The following PNPLA7 variants were observed in gnomAD, a reference collection of about 807,000 sequenced individuals.
PNPLA7 encodes the protein patatin like domain 7, lysophospholipase.
PNPLA7 carries 153 observed loss-of-function variants against 161.7 expected under a neutral mutation model. That is an observed-to-expected ratio of 0.95 (90% confidence interval 0.83 to 1.08). The LOEUF (loss-of-function observed/expected upper bound fraction) is 1.08. Ranked by LOEUF, PNPLA7 falls within the 50% of genes least tolerant of loss-of-function variation. The pLI is 0.00. For synonymous variants in PNPLA7, 809 were observed against 782.1 expected (o/e 1.03, Z -0.57); for missense variants, 1,739 against 1,856.6 (o/e 0.94, Z 1.16).
intron 8 of PNPLA7, among the ~76,000 whole-genome samples, chr9:137,536,814 C>T (rs1835917957): frequency 6.6e-6 from 1 of 151,320 alleles, no homozygotes; most frequent in Admixed American, 6.6e-5. Context: ...CTTCATCTCC[C>T]ACGACAGGAA....
intron 14 of PNPLA7, among the ~76,000 whole-genome samples, chr9:137,504,171 A>AGAAGAAG (rs958069775): frequency 2.7e-5 from 4 of 150,536 alleles, no homozygotes; most frequent in Admixed American, 2.0e-4. Context: ...AGAAGACGGA[A>AGAAGAAG]GAAGAAGGAA....
In PNPLA7 at chr9:137,522,795, C is replaced by T; in HGVS notation, c.810G>A (p.Arg270=). 6.2e-7 allele frequency: 1 copy of T among 1,613,848 alleles called. No homozygotes were observed. The highest frequency in any genetic ancestry group is 2.2e-5 in the East Asian group (1 of 44,874). ...CTCCATGAAAAGCCGCAGCTGGAAG[C>T]CGGAGGATGGTGGACGGGATGGCCG... ...VRAAIPSTIL[R]LPAAAFHGVF... is the part of the protein sequence containing the mutation. Residue 270 remains arginine, a synonymous_variant, in exon 9 of 35, where the codon CGG becomes CGA. Transcript: ENST00000406427.
rs775681574 is a variant in PNPLA7 at position 137,462,671 on chromosome 9, C to T, written c.3492+14G>A. ...AGCAGCAGGGACAGCCCAGCCTGCC[C>T]GGTAGCACCCCACCTTGACTTTCGT... On this transcript the variant is annotated intron_variant, in intron 30 of 34. Transcript: ENST00000406427. 6.8e-6 allele frequency: 11 copies of T among 1,612,924 alleles called. No homozygotes were observed. Among genetic ancestry groups the T allele is most frequent in the Admixed American group, 1.7e-5 (1 of 59,974 alleles).
intron 12 of PNPLA7, among the ~76,000 whole-genome samples, chr9:137,510,519 G>A (rs191300199): frequency 1.0e-3 from 155 of 152,306 alleles, no homozygotes; most frequent in South Asian, 3.7e-3. Flanking sequence ...CAGTGGACAC[G>A]TGACTCACGT....
Position 137,550,209 on chromosome 9 carries a change from GAAAA to G in PNPLA7, c.-16_-13del. On this transcript the variant is annotated 5_prime_UTR_variant, in exon 1 of 35. Transcript: ENST00000406427. ...TTCTCTTCCTCCATGGCCAGAAACA[GAAAA>G]AACAGTCAGGGGCGAAAAGCAGACA... 3.7e-6 allele frequency: 6 copies of G among 1,613,052 alleles called. No homozygotes were observed. Among genetic ancestry groups the G allele is most frequent in the Non-Finnish European group, 5.1e-6 (6 of 1,179,854 alleles).
intron 15 of PNPLA7, among the ~76,000 whole-genome samples, 181 bp from the exon 16 acceptor site, chr9:137,501,077 C>T (rs769239509): frequency 4.6e-5 from 7 of 152,294 alleles, no homozygotes; most frequent in East Asian, 1.9e-4. Flanking sequence ...CATGATTTCA[C>T]GAGCAGTCGT....
intron 11 of PNPLA7, chr9:137,516,580 G>T: frequency 2.1e-6 from 2 of 956,740 alleles, no homozygotes; most frequent in Non-Finnish European, 2.5e-6. Flanking sequence ...AGGCCAAGGT[G>T]GGAGGATCAC....
intron 28 of PNPLA7, among the ~76,000 whole-genome samples, chr9:137,463,802 C>T (rs547727698): frequency 1.3e-5 from 2 of 152,206 alleles, no homozygotes; most frequent in South Asian, 4.1e-4. Context: ...GTGAACCCCT[C>T]ATCCCCCTGA....
rs1008219036 is a variant in PNPLA7 at position 137,500,600 on chromosome 9, A to C, written c.1757+91T>G. The C allele has an allele frequency of 1.0e-5, 12 of 1,195,014 alleles. No individual in the cohort carries two copies. The highest frequency in any genetic ancestry group is 1.3e-5 in the Non-Finnish European group (11 of 836,674). 74.0% of individuals were successfully genotyped at this position (1,195,014 alleles called of 1,614,324 possible). A position where few individuals can be genotyped will look rare whatever the true frequency, so the allele number is the denominator to read the frequency against. On this transcript the variant is annotated intron_variant, in intron 16 of 34. Coordinates refer to ENST00000406427, the MANE Select transcript of PNPLA7 (RefSeq NM_001098537.3). This position sits in a 1 kb window ranked among gnomAD's most constrained non-coding sequence, Gnocchi z 5.5. Reference sequence around the variant, plus strand: ...AGCCCGAGAAGCAGGGAAGAGGGTGAGAGCACCAGGAAGAGGCCGGCCACG... The same window carrying C: ...AGCCCGAGAAGCAGGGAAGAGGGTGCGAGCACCAGGAAGAGGCCGGCCACG...
In PNPLA7 at chr9:137,461,938, G is replaced by T. The variant is rs1831226115; in HGVS notation, c.3749C>A (p.Ala1250Glu). ...RDQQGPSKKP[A>E]SAVLTCPNAS... Reference sequence around the variant, plus strand: ...CCGGACGCCCGTACTCACCGCACTCGCGGGCTTCTTGCTCGGCCCCTGCTG... The same window carrying T: ...CCGGACGCCCGTACTCACCGCACTCTCGGGCTTCTTGCTCGGCCCCTGCTG... Residue 1250 changes from alanine (A) to glutamate (E), a missense_variant, in exon 32 of 35, where the codon GCG becomes GAG. Coordinates refer to ENST00000406427, the MANE Select transcript of PNPLA7 (RefSeq NM_001098537.3). 4.5e-6 allele frequency: 7 copies of T among 1,572,252 alleles called. No individual in the cohort carries two copies. The highest frequency in any genetic ancestry group is 2.0e-4 in the Middle Eastern group (1 of 5,120).
At chr9:137,533,380 C>T (rs1279060199) in intron 8 of PNPLA7, among the ~76,000 whole-genome samples, 1 of 140,780 alleles carries the variant, frequency 7.1e-6, no homozygotes, top group South Asian at 2.3e-4. Flanking sequence ...CTCCCAGACT[C>T]CTCAGTGAAT....
Position 137,467,238 on chromosome 9 carries a change from G to A in PNPLA7, c.3039+79C>T. On this transcript the variant is annotated intron_variant, in intron 26 of 34. Coordinates refer to ENST00000406427, the MANE Select transcript of PNPLA7 (RefSeq NM_001098537.3). The surrounding 1 kb of genome is among the most constrained non-coding windows in gnomAD (Gnocchi z 5.1). ...GGGCCCTGCAGAGCCACATGCAGAGGCCAACGGCCCCAGCGTCCCCCAGCA... is the reference window on the plus strand; with the variant it reads ...GGGCCCTGCAGAGCCACATGCAGAGACCAACGGCCCCAGCGTCCCCCAGCA... 1 of 1,498,132 alleles carries A rather than the reference G, an allele frequency of 6.7e-7. No homozygotes were observed. Among genetic ancestry groups the A allele is most frequent in the Non-Finnish European group, 8.9e-7 (1 of 1,118,814 alleles). 92.8% of individuals were successfully genotyped at this position (1,498,132 alleles called of 1,614,324 possible).
chr9:137,462,777 G>T lies in PNPLA7; in HGVS notation c.3400C>A (p.Arg1134=), dbSNP rs183661910. Residue 1134 remains arginine, a synonymous_variant, in exon 30 of 35, where the codon CGA becomes AGA. Coordinates refer to ENST00000406427, the MANE Select transcript of PNPLA7 (RefSeq NM_001098537.3). ...KVVIAIDVGS[R]DETDLTNYGD... is the part of the protein sequence containing the mutation. The stretch of plus-strand genomic sequence containing the variant: ...TAGTTGGTGAGGTCCGTCTCATCTC[G>T]GCTGCCCACGTCAATGGCGATCACC... The T allele has an allele frequency of 1.7e-5, 27 of 1,613,748 alleles. No homozygotes were observed. Among genetic ancestry groups the T allele is most frequent in the Admixed American group, 1.0e-4 (6 of 59,986 alleles).
intron 25 of PNPLA7, among the ~76,000 whole-genome samples, chr9:137,472,457 C>T (rs890174419): frequency 7.9e-5 from 12 of 151,442 alleles, no homozygotes; most frequent in African/African-American, 2.7e-4. Flanking sequence ...TCAAGACCAG[C>T]CTGGCCAACA....
intron 4 of PNPLA7, among the ~76,000 whole-genome samples, chr9:137,545,011 T>A (rs1041675447): frequency 2.6e-5 from 4 of 151,946 alleles, no homozygotes; most frequent in African/African-American, 9.7e-5. Context: ...GTAACAAAGA[T>A]TGCTTTAAAG....
rs1250119983 is a variant in PNPLA7, at chr9:137,480,484, C to A, written c.2412-4G>T. ...GGACAGCCGGTACTCGTGAACACTG[C>A]AGCACGCAGAGGGAGTACCTCACTA... On this transcript the variant is annotated splice_region_variant and splice_polypyrimidine_tract_variant and intron_variant, in intron 22 of 34. Transcript: ENST00000406427. 1 of 1,603,710 alleles carries A rather than the reference C, an allele frequency of 6.2e-7. No homozygotes were observed. The highest frequency in any genetic ancestry group is 1.7e-5 in the Admixed American group (1 of 58,878).
intron 12 of PNPLA7, among the ~76,000 whole-genome samples, chr9:137,513,164 C>T (rs2132406580): frequency 6.6e-6 from 1 of 152,042 alleles, no homozygotes; most frequent in Middle Eastern, 3.4e-3. Context: ...AATGAAAGAC[C>T]TCTATGTGAA....
intron 8 of PNPLA7, among the ~76,000 whole-genome samples, chr9:137,535,076 A>G (rs1835813950): frequency 6.6e-6 from 1 of 152,262 alleles, no homozygotes; most frequent in African/African-American, 2.4e-5. Flanking sequence ...TGAAATATTT[A>G]CACTCTGGCC....
chr9:137,485,207 T>G (rs1044893208), intron 20 of PNPLA7, among the ~76,000 whole-genome samples: 1 of 152,062 alleles, frequency 6.6e-6, no homozygotes, highest in Non-Finnish European at 1.5e-5. Context: ...GCCCAGGGAG[T>G]GGATTCCTCC....
Sources: allele counts gnomAD v4.1 joint callset (sites outside exome capture counted in the v4.1 genomes callset), GRCh38; gene constraint gnomAD v4.1.1; non-coding constraint Gnocchi (gnomAD v3.1); transcripts MANE v1.5; gene names NCBI Gene and HGNC (gene_info 2026-07-23, HGNC 2026-07-21).